PABPC4L: variants seen among roughly 807,000 people sequenced by gnomAD.
The protein encoded by PABPC4L is poly(A) binding protein cytoplasmic 4 like.
For synonymous variants in PABPC4L, 169 were observed against 164.1 expected (o/e 1.03, Z -0.23); for missense variants, 452 against 451.4 (o/e 1.00, Z -0.01).
chr4:134,169,493 G>C, the PABPC4L span, among the ~76,000 whole-genome samples: 1 of 151,948 alleles, frequency 6.6e-6, no homozygotes, highest in African/African-American at 2.4e-5. Context: ...TTAGAAAGAA[G>C]TCAAATTATC....
the PABPC4L span, among the ~76,000 whole-genome samples, chr4:134,142,483 G>T: frequency 6.6e-6 from 1 of 151,580 alleles, no homozygotes; most frequent in African/African-American, 2.4e-5. Flanking sequence ...GATGCCTTTA[G>T]GATTGATATG....
the PABPC4L span, among the ~76,000 whole-genome samples, chr4:133,982,999 T>C: frequency 6.6e-6 from 1 of 152,010 alleles, no homozygotes; most frequent in African/African-American, 2.4e-5. Flanking sequence ...AGTTTTGTGA[T>C]GCTTCATAAA....
chr4:134,000,666 A>G, the PABPC4L span, among the ~76,000 whole-genome samples: 1 of 152,152 alleles, frequency 6.6e-6, no homozygotes, highest in African/African-American at 2.4e-5. Flanking sequence ...GACTGAGTAC[A>G]GTGGATTGCC....
the PABPC4L span, among the ~76,000 whole-genome samples, chr4:134,131,825 G>C: frequency 2.0e-5 from 3 of 148,448 alleles, no homozygotes; most frequent in Non-Finnish European, 4.4e-5. Flanking sequence ...TTACTGTAAG[G>C]TTATAGTCAC....
the PABPC4L span, among the ~76,000 whole-genome samples, chr4:134,166,177 A>G: frequency 1.3e-5 from 2 of 152,136 alleles, no homozygotes; most frequent in Non-Finnish European, 2.9e-5. Context: ...TATTGGATAC[A>G]ATGTACACTA....
At chr4:134,162,075 C>A in the PABPC4L span, among the ~76,000 whole-genome samples, 21 of 151,204 alleles carry the variant, frequency 1.4e-4, no homozygotes, top group Non-Finnish European at 3.1e-4. Flanking sequence ...AACCTTGTAA[C>A]AAAGACACAA....
the PABPC4L span, among the ~76,000 whole-genome samples, chr4:134,014,772 T>C: frequency 6.6e-6 from 1 of 151,942 alleles, no homozygotes; most frequent in Non-Finnish European, 1.5e-5. Context: ...CACTCCACAT[T>C]ACCTTCTTTT....
At chr4:134,172,769 A>G in the PABPC4L span, among the ~76,000 whole-genome samples, 1 of 152,072 alleles carries the variant, frequency 6.6e-6, no homozygotes, top group Non-Finnish European at 1.5e-5. Context: ...AATCTCCATC[A>G]AAATACCAAT....
the PABPC4L span, among the ~76,000 whole-genome samples, chr4:133,957,118 C>G: frequency 6.6e-6 from 1 of 152,114 alleles, no homozygotes; most frequent in Admixed American, 6.5e-5. Context: ...AGCATTAAAC[C>G]AAAAGTCAAA....
At chr4:134,045,366 C>T in the PABPC4L span, among the ~76,000 whole-genome samples, 10 of 152,240 alleles carry the variant, frequency 6.6e-5, no homozygotes, top group Admixed American at 5.9e-4. Flanking sequence ...TCCTACATTT[C>T]GGTTTGGAAG....
the PABPC4L span, among the ~76,000 whole-genome samples, chr4:134,097,908 G>A: frequency 3.8e-4 from 58 of 151,714 alleles, 1 homozygote; most frequent in East Asian, 9.9e-3. Flanking sequence ...TTACTCCTGC[G>A]GTTTTGTCAT....
At chr4:134,140,706 A>G in the PABPC4L span, among the ~76,000 whole-genome samples, 1 of 151,876 alleles carries the variant, frequency 6.6e-6, no homozygotes. Context: ...TACATAATTT[A>G]TAGGAGATAC....
the PABPC4L span, among the ~76,000 whole-genome samples, chr4:133,962,793 A>G: frequency 6.6e-6 from 1 of 152,220 alleles, no homozygotes; most frequent in East Asian, 1.9e-4. Context: ...TTTTTCACAC[A>G]AACAAATGCT....
At chr4:134,052,353 A>G in the PABPC4L span, among the ~76,000 whole-genome samples, 14 of 152,112 alleles carry the variant, frequency 9.2e-5, no homozygotes, top group Admixed American at 8.5e-4. Flanking sequence ...ATGTCTACAC[A>G]GTGAAGTTGT....
At chr4:134,122,428 A>G in the PABPC4L span, among the ~76,000 whole-genome samples, 8 of 151,932 alleles carry the variant, frequency 5.3e-5, no homozygotes, top group Non-Finnish European at 8.8e-5. Context: ...CAATTTTAAA[A>G]TATTAAATTG....
At chr4:134,018,268 C>T in the PABPC4L span, among the ~76,000 whole-genome samples, 2 of 152,118 alleles carry the variant, frequency 1.3e-5, no homozygotes, top group African/African-American at 2.4e-5. Flanking sequence ...GGTCCCACCC[C>T]ATCTCCCTTG....
the PABPC4L span, among the ~76,000 whole-genome samples, chr4:134,027,526 G>A: frequency 6.6e-6 from 1 of 152,112 alleles, no homozygotes; most frequent in South Asian, 2.1e-4. Context: ...TGTTAATAGT[G>A]CTACAATAAA....
At chr4:134,085,779 T>C in the PABPC4L span, among the ~76,000 whole-genome samples, 1 of 152,210 alleles carries the variant, frequency 6.6e-6, no homozygotes, top group African/African-American at 2.4e-5. Context: ...CTCTGTTGTA[T>C]GTATATACAA....
chr4:134,182,927 A>C, the PABPC4L span, among the ~76,000 whole-genome samples: 1 of 152,022 alleles, frequency 6.6e-6, no homozygotes, highest in Non-Finnish European at 1.5e-5. Context: ...TACCAGTGAA[A>C]ATGAGTATTA....
Sources: gnomAD v4.1 joint callset for allele counts (sites outside exome capture counted in the v4.1 genomes callset) on GRCh38, gnomAD v4.1.1 for gene constraint, MANE v1.5 for transcripts, NCBI Gene and HGNC (gene_info 2026-07-23, HGNC 2026-07-21) for gene names.